The following EMC3 variants were observed in gnomAD, a reference collection of about 807,000 sequenced individuals.
EMC3 encodes ER membrane protein complex subunit 3.
EMC3 carries 13 observed loss-of-function variants against 36.6 expected under a neutral mutation model. The observed-to-expected ratio is 0.35, with a 90% confidence interval of 0.23 to 0.56. The LOEUF (loss-of-function observed/expected upper bound fraction) is 0.56. Among genes scored for constraint, EMC3 ranks in the 20% least tolerant of loss-of-function variants. The probability of loss-of-function intolerance (pLI) is 0.84; values close to 1 mark genes in which losing one functional copy is unlikely to be tolerated. For missense variants in EMC3, 220 were observed against 324.5 expected (o/e 0.68, Z 2.47); for synonymous variants, 120 against 111.9 (o/e 1.07, Z -0.46).
chr3:10,002,849 C>G (rs1255585782), intron 1 of EMC3: 1 of 456,546 alleles, frequency 2.2e-6, no homozygotes, highest in Non-Finnish European at 4.4e-6. Context: ...AGTGCAGACC[C>G]AGAAACCTCC....
chr3:9,974,495 C>A lies in EMC3; in HGVS notation c.308-7G>T. 6.4e-7 allele frequency: 1 copy of A among 1,573,948 alleles called. No homozygotes were observed. The highest frequency in any genetic ancestry group is 8.7e-7 in the Non-Finnish European group (1 of 1,143,944). On this transcript the variant is annotated splice_polypyrimidine_tract_variant and splice_region_variant and intron_variant, in intron 3 of 7. Coordinates refer to ENST00000245046, the MANE Select transcript of EMC3 (RefSeq NM_001394674.1). ...TCTGTCAACATAGTAGGATCTAAGA[C>A]AAAAGCACAAACAAGAAACCACTAA...
intron 5 of EMC3, among the ~76,000 whole-genome samples, chr3:9,972,886 C>T (rs1427048474): frequency 2.9e-4 from 41 of 141,680 alleles, no homozygotes; most frequent in Middle Eastern, 0.01. Context: ...TGGAGTGCAG[C>T]AGCGCCATCT....
intron 1 of EMC3, among the ~76,000 whole-genome samples, chr3:10,001,327 C>T (rs1194538030): frequency 6.7e-6 from 1 of 149,532 alleles, no homozygotes; most frequent in Non-Finnish European, 1.5e-5. Flanking sequence ...TTTGGGGGGC[C>T]GAGGTGGGCG....
chr3:10,000,101 G>A (rs2086179174), intron 1 of EMC3, among the ~76,000 whole-genome samples: 1 of 151,982 alleles, frequency 6.6e-6, no homozygotes, highest in Admixed American at 6.6e-5. Context: ...GCAGTGGCGC[G>A]ATCTTGGTTC....
In EMC3 at chr3:9,963,756, G is replaced by A. The variant is rs913093377; in HGVS notation, c.*313C>T. On this transcript the variant is annotated 3_prime_UTR_variant, in exon 8 of 8. Transcript: ENST00000245046. Reference sequence around the variant, plus strand: ...CTCCCAAAATCCTGGGATTACAGGCGTGAGCCACTGCGCCTGGCCAAGATT... The same window carrying A: ...CTCCCAAAATCCTGGGATTACAGGCATGAGCCACTGCGCCTGGCCAAGATT... The A allele has an allele frequency of 3.4e-5, 7 of 206,466 alleles. No individual in the cohort carries two copies. Among genetic ancestry groups the A allele is most frequent in the Non-Finnish European group, 5.9e-5 (6 of 101,828 alleles). The allele number at this position is 206,466 out of a possible 1,614,324, so 12.8% of individuals were successfully genotyped here. A position where few individuals can be genotyped will look rare whatever the true frequency, so the allele number is the denominator to read the frequency against.
At chr3:9,979,075 C>T (rs1169432142) in intron 1 of EMC3, among the ~76,000 whole-genome samples, 1 of 152,178 alleles carries the variant, frequency 6.6e-6, no homozygotes, top group African/African-American at 2.4e-5. Flanking sequence ...ATGCCTGGAG[C>T]CCTCGTGGAA....
chr3:9,989,473 A>G (rs1445126357), upstream of EMC3, among the ~76,000 whole-genome samples: 10 of 152,242 alleles, frequency 6.6e-5, no homozygotes, highest in Non-Finnish European at 1.0e-4. Flanking sequence ...CTCCATCTCA[A>G]AAGATAAAAA....
At chr3:10,008,574 G>C (rs1418114240) in intron 1 of EMC3, 4 of 734,612 alleles carry the variant, frequency 5.4e-6, no homozygotes, top group South Asian at 1.5e-5. Context: ...GGGTCAGATA[G>C]TGGGGGGTGG....
At chr3:9,996,138 G>A (rs1294995227) in intron 1 of EMC3, among the ~76,000 whole-genome samples, 1 of 152,142 alleles carries the variant, frequency 6.6e-6, no homozygotes, top group African/African-American at 2.4e-5. Context: ...TGAACTTCAC[G>A]TGGGCTTGCT....
At position 9,975,681 on chromosome 3, in the gene EMC3, A is replaced by G. The variant is rs577101315; in HGVS notation, c.308-1193T>C. On this transcript the variant is annotated intron_variant, in intron 3 of 7. Transcript: ENST00000245046. ...CAAAAAATTAGCCGGGCATGGTGGCAGGTGCCTGTAATCTCAGCTACTCTG... is the reference window on the plus strand; with the variant it reads ...CAAAAAATTAGCCGGGCATGGTGGCGGGTGCCTGTAATCTCAGCTACTCTG... Among the ~76,000 whole-genome samples the G allele has an allele frequency of 4.6e-5, 7 of 152,130 alleles. No homozygotes were observed. The South Asian group carries it at 1.2e-3, about 27-fold the overall frequency.
At chr3:9,985,799 C>G (rs2085964453) in intron 1 of EMC3, among the ~76,000 whole-genome samples, 1 of 152,134 alleles carries the variant, frequency 6.6e-6, no homozygotes, top group Non-Finnish European at 1.5e-5. Flanking sequence ...GGGGCTGAGG[C>G]AAGAGAATCG....
At chr3:9,988,839 C>G, upstream of EMC3, 1 of 841,946 alleles carries the variant, frequency 1.2e-6, no homozygotes, top group South Asian at 1.4e-5. Flanking sequence ...CTTTCTCCTC[C>G]CTCCAGTCAC....
intron 1 of EMC3, among the ~76,000 whole-genome samples, chr3:9,980,408 C>G (rs2085897332): frequency 6.6e-6 from 1 of 151,052 alleles, no homozygotes; most frequent in African/African-American, 2.4e-5. Context: ...CTCTGTTGTC[C>G]AGGCTGGAGT....
At chr3:9,964,839 G>C (rs1222215836) in intron 7 of EMC3, among the ~76,000 whole-genome samples, 1 of 152,154 alleles carries the variant, frequency 6.6e-6, no homozygotes, top group African/African-American at 2.4e-5. Flanking sequence ...ATGTAAACTA[G>C]TAATATGTTG....
At chr3:10,003,654 A>C in intron 1 of EMC3, 2 of 201,284 alleles carry the variant, frequency 9.9e-6, no homozygotes, top group Non-Finnish European at 2.1e-5. Flanking sequence ...CCTTGGCATC[A>C]CTCTCCAGAG....
upstream of EMC3, among the ~76,000 whole-genome samples, chr3:9,990,217 G>T (rs1293078608): frequency 2.0e-5 from 3 of 150,522 alleles, no homozygotes; most frequent in Non-Finnish European, 3.0e-5. Context: ...GTAGAGATGG[G>T]GTTTCACGTT....
rs760936887 is a variant in EMC3 at position 9,969,616 on chromosome 3, G to A, written c.657+103C>T. 2.2e-5 allele frequency: 34 copies of A among 1,580,444 alleles called. No individual in the cohort carries two copies. The East Asian group carries it at 6.7e-4, about 31-fold the overall frequency. ...GTTTTTACTAAGTTTAAATTAAAAC[G>A]ATGGAACCACACAACACTCCCTTCA... On this transcript the variant is annotated intron_variant, in intron 7 of 7. Coordinates refer to ENST00000245046, the MANE Select transcript of EMC3 (RefSeq NM_001394674.1).
Position 9,963,850 on chromosome 3 carries a change from A to C in EMC3, c.*219T>G. ...TTCATTACTAGAGTCACCAGAAGGA[A>C]CATTTACAACATTTTAAAAATAACA... On this transcript the variant is annotated 3_prime_UTR_variant, in exon 8 of 8. Coordinates refer to ENST00000245046, the MANE Select transcript of EMC3 (RefSeq NM_001394674.1). The C allele has an allele frequency of 1.8e-6, 1 of 562,854 alleles. No homozygotes were observed. The highest frequency in any genetic ancestry group is 2.5e-5 in the South Asian group (1 of 39,976). The allele number at this position is 562,854 out of a possible 1,614,324, so 34.9% of individuals were successfully genotyped here.
At chr3:10,001,715 G>A (rs903080872) in intron 1 of EMC3, among the ~76,000 whole-genome samples, 1 of 152,026 alleles carries the variant, frequency 6.6e-6, no homozygotes, top group Non-Finnish European at 1.5e-5. Flanking sequence ...ATTGAAATCA[G>A]GGCTGGGTGC....
Sources: allele counts gnomAD v4.1 joint callset (sites outside exome capture counted in the v4.1 genomes callset), GRCh38; gene constraint gnomAD v4.1.1; transcripts MANE v1.5; gene names NCBI Gene and HGNC (gene_info 2026-07-23, HGNC 2026-07-21).